The following TBC1D9B variants were observed in gnomAD, a reference collection of about 807,000 sequenced individuals.
TBC1D9B encodes the protein TBC1 domain family, member 9B (with GRAM domain).
In TBC1D9B, 87 loss-of-function variants were observed where a neutral mutation model predicts 121.1. That is an observed-to-expected ratio of 0.72 (90% CI 0.60 to 0.86). TBC1D9B has a LOEUF of 0.86. TBC1D9B is among the 40% of genes least tolerant of loss of function. TBC1D9B has a pLI of 0.00. For missense variants in TBC1D9B, 1,540 were observed against 1,628.6 expected, an observed-to-expected ratio of 0.95 and a Z score of 0.94; for synonymous variants, 668 against 670.1, an observed-to-expected ratio of 1.00 and a Z score of 0.05.
chr5:179,887,520 G>A (rs925728842), intron 7 of TBC1D9B, among the ~76,000 whole-genome samples: 14 of 152,370 alleles, frequency 9.2e-5, no homozygotes, highest in Middle Eastern at 3.4e-3. Flanking sequence ...AAGAATAAAC[G>A]AGAGCTAGGT....
At position 179,885,954 on chromosome 5, in the gene TBC1D9B, T is replaced by C. The variant is rs1760672815; in HGVS notation, c.1254+2149A>G. Among the ~76,000 whole-genome samples the C allele has an allele frequency of 6.6e-6, 1 of 152,204 alleles. No individual in the cohort carries two copies. The highest frequency in any genetic ancestry group is 1.5e-5 in the Non-Finnish European group (1 of 68,024). ...CACCTCCTACACCTGGTCAGTCTCC[T>C]AAGCCCTGGTCCCAGAAGCCCGTGC... On this transcript the variant is annotated intron_variant, in intron 7 of 20. Coordinates refer to ENST00000355235, the MANE Select transcript of TBC1D9B (RefSeq NM_015043.4). This position sits in a 1 kb window ranked among gnomAD's most constrained non-coding sequence, Gnocchi z 4.5.
intron 20 of TBC1D9B, among the ~76,000 whole-genome samples, chr5:179,864,912 G>A (rs139747508): frequency 2.2e-4 from 33 of 152,346 alleles, no homozygotes; most frequent in Middle Eastern, 3.4e-3. Flanking sequence ...AGCGGGTGTG[G>A]AGGATGCATG....
chr5:179,884,225 A>G (rs894416844), intron 7 of TBC1D9B: 4 of 152,226 alleles, frequency 2.6e-5, no homozygotes, highest in Admixed American at 1.3e-4. Context: ...ATCGGCTCCC[A>G]ATTTCACTGG....
At chr5:179,867,714 C>T in intron 18 of TBC1D9B, 64 bp downstream of exon 18, 1 of 1,603,386 alleles carries the variant, frequency 6.2e-7, no homozygotes, top group Non-Finnish European at 8.5e-7. Flanking sequence ...CCGAGCCCCA[C>T]AGGAAGGCGG....
Position 179,865,742 on chromosome 5 carries a change from T to G in TBC1D9B, c.2914+96A>C. 7.3e-7 allele frequency: 1 copy of G among 1,379,076 alleles called. No individual in the cohort carries two copies. The highest frequency in any genetic ancestry group is 9.9e-7 in the Non-Finnish European group (1 of 1,005,560). The allele number at this position is 1,379,076 out of a possible 1,614,324, so 85.4% of individuals were successfully genotyped here. ...GGGACGCATCCGCCATCTCCCGGGG[T>G]AGGGGGCTCCCTGGCAGTGACTGGG... On this transcript the variant is annotated intron_variant, in intron 19 of 20. Transcript: ENST00000355235. The surrounding 1 kb of genome is among the most constrained non-coding windows in gnomAD (Gnocchi z 5.1).
Position 179,887,782 on chromosome 5 carries a change from GA to G in TBC1D9B, c.1254+320del. ...CAGGGAAGGTCATGGGAACAAAGCC[GA>G]AGTGTACAGGCCTCCACAGTGTGGC... On this transcript the variant is annotated intron_variant, in intron 7 of 20. Transcript: ENST00000355235. 1.1e-5 allele frequency: 4 copies of G among 374,690 alleles called. No individual in the cohort carries two copies. The South Asian group carries it at 1.3e-4, about 12-fold the overall frequency. 23.2% of individuals were successfully genotyped at this position (374,690 alleles called of 1,614,324 possible).
chr5:179,896,387 C>T (rs1229425327), intron 3 of TBC1D9B, among the ~76,000 whole-genome samples: 1 of 152,242 alleles, frequency 6.6e-6, no homozygotes, highest in Non-Finnish European at 1.5e-5. Context: ...CATCTCTCTC[C>T]AAAGTGCTGG....
rs752165472 is a variant in TBC1D9B, at chr5:179,863,607, G to T, written c.3543C>A (p.Ile1181=). The part of the protein sequence containing the change: ...IGGTVDTDWC[I]SFEQILASIL... ...TGGAGGCCAGGATCTGCTCAAAGGA[G>T]ATGCACCAGTCGGTGTCGACGGTGC... Residue 1181 remains isoleucine (I), a synonymous_variant, in exon 21 of 21, where the codon ATC becomes ATA. Transcript: ENST00000355235. This position sits in a 1 kb window ranked among gnomAD's most constrained non-coding sequence, Gnocchi z 4.5. The T allele has an allele frequency of 6.2e-7, 1 of 1,614,086 alleles. No homozygotes were observed. The highest frequency in any genetic ancestry group is 8.5e-7 in the Non-Finnish European group (1 of 1,180,044).
chr5:179,870,776 C>T lies in TBC1D9B; in HGVS notation c.2485-281G>A, dbSNP rs190675696. The T allele has an allele frequency of 9.3e-5, 41 of 442,048 alleles. No individual in the cohort carries two copies. The East Asian group carries it at 1.5e-3, about 16-fold the overall frequency. 27.4% of individuals were successfully genotyped at this position (442,048 alleles called of 1,614,324 possible). On this transcript the variant is annotated intron_variant, in intron 15 of 20. Transcript: ENST00000355235. ...CCAGAGAAGGGCTGAGCCTTCCTGG[C>T]AGGGCTCCAGGGAAACAAGAGGCCT...
At chr5:179,878,027 G>C (rs914432987) in intron 10 of TBC1D9B, among the ~76,000 whole-genome samples, 2 of 152,228 alleles carry the variant, frequency 1.3e-5, no homozygotes, top group African/African-American at 4.8e-5. Context: ...CTTAAAAACA[G>C]TGAAGATGGG....
In TBC1D9B at chr5:179,907,730, C is replaced by T. The variant is rs1465108727; in HGVS notation, c.92G>A (p.Gly31Asp). Residue 31 changes from glycine (G) to aspartate (D), a missense_variant, in exon 1 of 21, where the codon GGC becomes GAC. Gly to Asp is a moderately conservative substitution (Grantham distance 94). Transcript: ENST00000355235. The surrounding 1 kb of genome is among the most constrained non-coding windows in gnomAD (Gnocchi z 5.3). ...CGTAAGGCCGCCGCCCCTGCCGTGG[C>T]CCCGGCGTCGCTGCAGCACGAAGAA... is the stretch of plus-strand genomic sequence containing the variant. ...NPFFVLQRRR[G>D]HGRGGGLTGL... The T allele has an allele frequency of 3.4e-6, 4 of 1,187,750 alleles. No homozygotes were observed. Among genetic ancestry groups the T allele is most frequent in the South Asian group, 1.5e-5 (1 of 65,124 alleles). The allele number at this position is 1,187,750 out of a possible 1,614,324, so 73.6% of individuals were successfully genotyped here. A position where few individuals can be genotyped will look rare whatever the true frequency, so the allele number is the denominator to read the frequency against.
At position 179,863,240 on chromosome 5, in the gene TBC1D9B, A is replaced by G. The variant is rs1582068758; in HGVS notation, c.*208T>C. The G allele has an allele frequency of 3.3e-6, 2 of 602,256 alleles. No homozygotes were observed. Among genetic ancestry groups the G allele is most frequent in the Non-Finnish European group, 5.7e-6 (2 of 352,648 alleles). 37.3% of individuals were successfully genotyped at this position (602,256 alleles called of 1,614,324 possible). A position where few individuals can be genotyped will look rare whatever the true frequency, so the allele number is the denominator to read the frequency against. On this transcript the variant is annotated 3_prime_UTR_variant, in exon 21 of 21. Transcript: ENST00000355235. This position sits in a 1 kb window ranked among gnomAD's most constrained non-coding sequence, Gnocchi z 4.5. ...AGCCACAGCCTCTTCCTGGGCCCAGAAGCAGCCGGCGCCAGGAGATGCAGG... is the reference window on the plus strand; with the variant it reads ...AGCCACAGCCTCTTCCTGGGCCCAGGAGCAGCCGGCGCCAGGAGATGCAGG...
In TBC1D9B at chr5:179,907,792, C is replaced by T. The variant is rs1265880813; in HGVS notation, c.30G>A (p.Val10=). 3 of 1,221,974 alleles carry T rather than the reference C, an allele frequency of 2.5e-6. No homozygotes were observed. Among genetic ancestry groups the T allele is most frequent in the South Asian group, 1.5e-5 (1 of 67,608 alleles). The allele number at this position is 1,221,974 out of a possible 1,614,324, so 75.7% of individuals were successfully genotyped here. ...GCTCCGTCACCCACAGCGCATTGGCCACCAGCACCTCCTCCGGGCTCAGCC... is the reference window on the plus strand; with the variant it reads ...GCTCCGTCACCCACAGCGCATTGGCTACCAGCACCTCCTCCGGGCTCAGCC... The part of the protein sequence containing the change: MWLSPEEVL[V]ANALWVTERA... Residue 10 remains valine, a synonymous_variant, in exon 1 of 21, where the codon GTG becomes GTA. Transcript: ENST00000355235. This position sits in a 1 kb window ranked among gnomAD's most constrained non-coding sequence, Gnocchi z 5.3.
Position 179,904,831 on chromosome 5 carries a change from G to T in TBC1D9B, c.119-19C>A, listed in dbSNP as rs377036829. ...AGAAGACCTGGGAACAGGGCAGAGAGACATAGAGGGTGAGGGGAGGGCCGG... is the reference window on the plus strand; with the variant it reads ...AGAAGACCTGGGAACAGGGCAGAGATACATAGAGGGTGAGGGGAGGGCCGG... On this transcript the variant is annotated intron_variant, in intron 1 of 20. Coordinates refer to ENST00000355235, the MANE Select transcript of TBC1D9B (RefSeq NM_015043.4). This position sits in a 1 kb window ranked among gnomAD's most constrained non-coding sequence, Gnocchi z 4.2. The T allele has an allele frequency of 3.2e-5, 49 of 1,538,484 alleles. No homozygotes were observed. Among genetic ancestry groups the T allele is most frequent in the Middle Eastern group, 1.7e-4 (1 of 5,934 alleles).
Position 179,879,143 on chromosome 5 carries a change from G to T in TBC1D9B, c.1471C>A (p.Arg491Ser). Residue 491 changes from arginine (R) to serine (S), a missense_variant, in exon 9 of 21, where the codon CGT becomes AGT. Coordinates refer to ENST00000355235, the MANE Select transcript of TBC1D9B (RefSeq NM_015043.4). The part of the protein sequence containing the change: ...SWHIHFFEYG[R>S]GVCMYRTAKT... Reference sequence around the variant, plus strand: ...GCTGTGCGGTACATGCACACGCCACGCCCGTACTCGAAGAAGTGGATGTGC... The same window carrying T: ...GCTGTGCGGTACATGCACACGCCACTCCCGTACTCGAAGAAGTGGATGTGC... The T allele has an allele frequency of 6.2e-7, 1 of 1,606,872 alleles. No individual in the cohort carries two copies.
rs374481597 is a variant in TBC1D9B at position 179,893,296 on chromosome 5, C to T, written c.749G>A (p.Arg250Gln). 1.9e-5 allele frequency: 31 copies of T among 1,613,962 alleles called. No homozygotes were observed. The Admixed American group carries it at 2.7e-4, about 14-fold the overall frequency. The change falls in exon 5 of 21, where the codon CGG (arginine) becomes CAG (glutamine). Residue 250 changes from arginine to glutamine, a missense_variant. Coordinates refer to ENST00000355235, the MANE Select transcript of TBC1D9B (RefSeq NM_015043.4). ...GAAGCCCTCGCTGTCCAGCAGCTGC[C>T]GCATGGCCAGGTTGGCCAACTGCTC... The part of the protein sequence containing the change: ...LMEQLANLAM[R>Q]QLLDSEGFLE...
chr5:179,870,051 C>A (rs1325639191), intron 16 of TBC1D9B, among the ~76,000 whole-genome samples: 1 of 152,154 alleles, frequency 6.6e-6, no homozygotes, highest in Non-Finnish European at 1.5e-5. Flanking sequence ...CCCCAGACTG[C>A]ATGAGGGAGG....
At position 179,875,320 on chromosome 5, in the gene TBC1D9B, C is replaced by T; in HGVS notation, c.1901-133G>A. 1.7e-6 allele frequency: 2 copies of T among 1,175,050 alleles called. No individual in the cohort carries two copies. Among genetic ancestry groups the T allele is most frequent in the South Asian group, 1.6e-5 (1 of 63,596 alleles). The allele number at this position is 1,175,050 out of a possible 1,614,324, so 72.8% of individuals were successfully genotyped here. ...TGAGGGCTGAGGGAGACTTGGAGTG[C>T]TGGGAGAAAACAAGGACGAAAAAAC... On this transcript the variant is annotated intron_variant, in intron 11 of 20. Transcript: ENST00000355235. The surrounding 1 kb of genome is among the most constrained non-coding windows in gnomAD (Gnocchi z 4.5).
intron 14 of TBC1D9B, 154 bp from the exon 15 acceptor site, chr5:179,871,684 G>T: frequency 1.4e-6 from 1 of 710,734 alleles, no homozygotes; most frequent in Non-Finnish European, 2.4e-6. Context: ...TCGGGAGAGA[G>T]CGAGGCCCAC....
Sources: allele counts gnomAD v4.1 joint callset (sites outside exome capture counted in the v4.1 genomes callset), GRCh38; gene constraint gnomAD v4.1.1; non-coding constraint Gnocchi (gnomAD v3.1); transcripts MANE v1.5; gene names NCBI Gene and HGNC (gene_info 2026-07-23, HGNC 2026-07-21).